MYT1L: variants seen among roughly 807,000 people sequenced by gnomAD.
MYT1L encodes the protein myelin transcription factor 1-like protein.
Under a neutral mutation model 126.7 loss-of-function variants are expected in MYT1L, and 12 were observed. The observed-to-expected ratio is 0.09, with a 90% CI of 0.06 to 0.15. The LOEUF (loss-of-function observed/expected upper bound fraction) is 0.15, where lower values mean the gene tolerates loss of function less well. Ranked by LOEUF, MYT1L falls within the 10% of genes least tolerant of loss-of-function variation. The pLI is 1.00. For synonymous variants in MYT1L, 541 were observed against 604.2 expected, an observed-to-expected ratio of 0.90 and a Z score of 1.53; for missense variants, 979 against 1,585.2, an observed-to-expected ratio of 0.62 and a Z score of 6.49.
At chr2:1,808,197 G>GT (rs1019760596) in intron 22 of MYT1L, among the ~76,000 whole-genome samples, 2 of 152,136 alleles carry the variant, frequency 1.3e-5, no homozygotes, top group Non-Finnish European at 2.9e-5. Flanking sequence ...GAATACACCT[G>GT]TTTTATGTGT....
intron 18 of MYT1L, among the ~76,000 whole-genome samples, chr2:1,858,645 G>C (rs1470664958): frequency 1.3e-5 from 2 of 152,148 alleles, no homozygotes; most frequent in Non-Finnish European, 2.9e-5. Context: ...CAACTATCCT[G>C]TATCACTTCT....
chr2:2,302,753 C>T (rs1207084176), intron 1 of MYT1L, among the ~76,000 whole-genome samples: 2 of 152,042 alleles, frequency 1.3e-5, no homozygotes, highest in African/African-American at 2.4e-5. Flanking sequence ...TTGCTGAAAC[C>T]CAAATTATTA....
chr2:1,826,729 C>T (rs1361518125), intron 21 of MYT1L, among the ~76,000 whole-genome samples: 1 of 152,052 alleles, frequency 6.6e-6, no homozygotes, highest in Admixed American at 6.5e-5. Flanking sequence ...GGTGTCTGGG[C>T]CTGAGGCAGA....
At chr2:2,181,644 G>A (rs1174926321) in intron 2 of MYT1L, among the ~76,000 whole-genome samples, 2 of 152,298 alleles carry the variant, frequency 1.3e-5, no homozygotes, top group Non-Finnish European at 2.9e-5. Flanking sequence ...TGACCACGTG[G>A]AAGCGCTTTG....
At chr2:1,960,742 G>C (rs2058892320) in intron 8 of MYT1L, among the ~76,000 whole-genome samples, 1 of 151,992 alleles carries the variant, frequency 6.6e-6, no homozygotes, top group South Asian at 2.1e-4. Flanking sequence ...GCAGCTAGAG[G>C]CTTCTCTCGG....
chr2:2,010,308 T>C (rs566884813), intron 4 of MYT1L, among the ~76,000 whole-genome samples: 17 of 152,256 alleles, frequency 1.1e-4, no homozygotes, highest in African/African-American at 4.1e-4. Flanking sequence ...TTTGGAAGAA[T>C]GGGAAGCCAA....
rs561945978 is a variant in MYT1L at position 1,806,452 on chromosome 2, C to T, written c.3172+2624G>A. Among the ~76,000 whole-genome samples the T allele has an allele frequency of 7.2e-5, 11 of 152,328 alleles. No homozygotes were observed. In the South Asian group the frequency reaches 1.7e-3, roughly 23 times the overall value. On this transcript the variant is annotated intron_variant, in intron 22 of 24. Transcript: ENST00000647738. The surrounding 1 kb of genome is among the most constrained non-coding windows in gnomAD (Gnocchi z 4.9). ...AGCAGCAGCAGCTGGGCCCAGCGGG[C>T]GGACGGTGGCCCTGGAATGCCCGTG...
intron 3 of MYT1L, among the ~76,000 whole-genome samples, chr2:2,072,619 C>T (rs1258789950): frequency 1.3e-5 from 2 of 152,294 alleles, no homozygotes; most frequent in African/African-American, 2.4e-5. Context: ...TCTGTGTCCC[C>T]GCGCAAATCC....
At chr2:2,127,748 C>A (rs1176145715) in intron 3 of MYT1L, among the ~76,000 whole-genome samples, 1 of 152,204 alleles carries the variant, frequency 6.6e-6, no homozygotes, top group East Asian at 1.9e-4. Context: ...AGGAAGGAGG[C>A]ACAAAGGCTC....
rs2031850356 is a variant in MYT1L at position 1,790,360 on chromosome 2, C to T, written c.*1507G>A. On this transcript the variant is annotated 3_prime_UTR_variant, in exon 25 of 25. Transcript: ENST00000647738. The stretch of plus-strand genomic sequence containing the variant: ...CTCAAGTCAACATCAGAAAACACAA[C>T]ACGTCGTCAAAGGACTACTCAGAAG... The T allele has an allele frequency of 6.6e-6, 1 of 152,090 alleles. No homozygotes were observed. The highest frequency in any genetic ancestry group is 2.4e-5 in the African/African-American group (1 of 41,386). The allele number at this position is 152,090 out of a possible 1,614,324, so 9.4% of individuals were successfully genotyped here.
At chr2:1,933,969 ATTTTTTT>A (rs920521570) in intron 9 of MYT1L, among the ~76,000 whole-genome samples, 33 of 111,750 alleles carry the variant, frequency 3.0e-4, no homozygotes, top group Non-Finnish European at 4.3e-4. Context: ...TCTAATTTTG[ATTTTTTT>A]TTTTTTTTTT....
chr2:2,293,692 C>T (rs535959003), intron 1 of MYT1L, among the ~76,000 whole-genome samples: 2 of 152,204 alleles, frequency 1.3e-5, no homozygotes, highest in Non-Finnish European at 2.9e-5. Context: ...CTGCCCTGGC[C>T]CTTCTGGGAA....
At chr2:1,896,080 T>C (rs2049523978) in intron 14 of MYT1L, among the ~76,000 whole-genome samples, 1 of 152,216 alleles carries the variant, frequency 6.6e-6, no homozygotes, top group South Asian at 2.1e-4. Context: ...AACAGCCATG[T>C]GATAAAATGC....
intron 18 of MYT1L, among the ~76,000 whole-genome samples, chr2:1,873,446 G>A (rs4519558): frequency 0.29 from 44,061 of 152,056 alleles, 7,914 homozygotes; most frequent in African/African-American, 0.51. Flanking sequence ...GGCTGTACAT[G>A]GAGAGGCCAC....
intron 4 of MYT1L, among the ~76,000 whole-genome samples, chr2:2,026,646 G>A (rs994761057): frequency 1.2e-4 from 18 of 152,186 alleles, no homozygotes; most frequent in African/African-American, 3.9e-4. Context: ...GTCAAGGTTC[G>A]CTGCAGGAGG....
At chr2:2,270,255 C>T (rs993082429) in intron 2 of MYT1L, among the ~76,000 whole-genome samples, 3 of 152,196 alleles carry the variant, frequency 2.0e-5, no homozygotes, top group Non-Finnish European at 4.4e-5. Flanking sequence ...AGAATTGATG[C>T]CTGTTGTTTA....
chr2:2,120,115 A>G (rs2080784211), intron 3 of MYT1L, among the ~76,000 whole-genome samples: 1 of 152,202 alleles, frequency 6.6e-6, no homozygotes, highest in East Asian at 1.9e-4. Context: ...ACAGAGTTTT[A>G]GTCTAGATCG....
intron 21 of MYT1L, among the ~76,000 whole-genome samples, chr2:1,820,510 A>G (rs1406216557): frequency 6.6e-6 from 1 of 152,152 alleles, no homozygotes; most frequent in East Asian, 1.9e-4. Flanking sequence ...GGTATTTTGT[A>G]GAGTGACTAA....
chr2:1,972,512 C>T (rs1171611363), intron 8 of MYT1L, among the ~76,000 whole-genome samples: 1 of 152,138 alleles, frequency 6.6e-6, no homozygotes, highest in Non-Finnish European at 1.5e-5. Context: ...TATAGATGCT[C>T]CTCTCAGTTG....
Sources: allele counts gnomAD v4.1 joint callset (sites outside exome capture counted in the v4.1 genomes callset), GRCh38; gene constraint gnomAD v4.1.1; non-coding constraint Gnocchi (gnomAD v3.1); transcripts MANE v1.5; gene names NCBI Gene and HGNC (gene_info 2026-07-23, HGNC 2026-07-21).